The following KCNH7 variants were observed in gnomAD, a reference collection of about 807,000 sequenced individuals.
KCNH7 encodes the protein voltage-gated inwardly rectifying potassium channel KCNH7.
In KCNH7, 49 loss-of-function variants were observed where a neutral mutation model predicts 120.8. The ratio of observed to expected loss-of-function variants is 0.41; its 90% CI spans 0.32 to 0.51. KCNH7 has a LOEUF of 0.51. Ranked by LOEUF, KCNH7 falls within the 20% of genes least tolerant of loss-of-function variation. The pLI is 0.38. For missense variants in KCNH7, 1,097 were observed against 1,446.6 expected, an observed-to-expected ratio of 0.76 and a Z score of 3.92; for synonymous variants, 547 against 516.1, an observed-to-expected ratio of 1.06 and a Z score of -0.81.
At chr2:162,456,352 T>C (rs910535845) in intron 6 of KCNH7, among the ~76,000 whole-genome samples, 1 of 147,766 alleles carries the variant, frequency 6.8e-6, no homozygotes, top group Non-Finnish European at 1.5e-5. Context: ...TTATACATTA[T>C]ACAAATTATA....
chr2:162,752,924 A>AAAAGAAAAG (rs1688622518), intron 2 of KCNH7, among the ~76,000 whole-genome samples: 1 of 73,504 alleles, frequency 1.4e-5, no homozygotes, highest in South Asian at 4.4e-4. Flanking sequence ...AAAAGAAAAG[A>AAAAGAAAAG]AAAGAAAAGA....
intron 2 of KCNH7, among the ~76,000 whole-genome samples, chr2:162,822,914 C>T (rs1685163794): frequency 6.6e-6 from 1 of 152,158 alleles, no homozygotes; most frequent in Non-Finnish European, 1.5e-5. Flanking sequence ...TGTTTAATTG[C>T]ATTTAAGGAA....
chr2:162,673,870 CA>C (rs1171086515), intron 2 of KCNH7, among the ~76,000 whole-genome samples: 11 of 151,812 alleles, frequency 7.2e-5, no homozygotes, highest in African/African-American at 2.7e-4. Context: ...AGGAAATTAG[CA>C]AATTAGAAAA....
intron 2 of KCNH7, among the ~76,000 whole-genome samples, chr2:162,727,916 G>T (rs796942312): frequency 1.2e-4 from 19 of 152,048 alleles, no homozygotes; most frequent in African/African-American, 4.1e-4. Flanking sequence ...ATTTTTTTAG[G>T]ATAAGTTTAG....
chr2:162,605,061 T>A (rs1358679404), intron 2 of KCNH7, among the ~76,000 whole-genome samples: 1 of 152,126 alleles, frequency 6.6e-6, no homozygotes, highest in African/African-American at 2.4e-5. Context: ...AATGAGATTA[T>A]AAATTATTGA....
intron 2 of KCNH7, among the ~76,000 whole-genome samples, chr2:162,727,399 G>C (rs1687569677): frequency 6.6e-6 from 1 of 152,044 alleles, no homozygotes; most frequent in Admixed American, 6.5e-5. Flanking sequence ...ATTTGTTACA[G>C]TTTTGACATA....
At chr2:162,753,020 A>T (rs1052923601) in intron 2 of KCNH7, among the ~76,000 whole-genome samples, 1 of 147,538 alleles carries the variant, frequency 6.8e-6, no homozygotes, top group African/African-American at 2.5e-5. Context: ...AAAGAAAAGA[A>T]AAGAAAAGAA....
rs147827058 is a variant in KCNH7 at position 162,373,537 on chromosome 2, T to C, written c.3257A>G (p.Gln1086Arg). The part of the protein sequence containing the change: ...AGSEYQRPII[Q>R]LMRTSQPEAS... ...TTCCGGTTGACTGGTTCTCATCAGC[T>C]GGATGATGGGTCTCTGATATTCTGA... Residue 1086 changes from glutamine to arginine, a missense_variant, in exon 15 of 16, where the codon CAG (glutamine) becomes CGG (arginine). Physicochemically the swap from Gln to Arg is conservative, Grantham distance 43. Coordinates refer to ENST00000332142, the MANE Select transcript of KCNH7 (RefSeq NM_033272.4). 1.5e-4 allele frequency: 246 copies of C among 1,589,764 alleles called. No homozygotes were observed. Among genetic ancestry groups the C allele is most frequent in the Non-Finnish European group, 2.0e-4 (237 of 1,168,188 alleles).
intron 2 of KCNH7, among the ~76,000 whole-genome samples, chr2:162,582,494 T>C (rs1223191560): frequency 6.6e-6 from 1 of 152,060 alleles, no homozygotes; most frequent in African/African-American, 2.4e-5. Flanking sequence ...TCTGCCCTTT[T>C]AGTTGTAGGA....
In KCNH7 at chr2:162,435,338, C is replaced by T; in HGVS notation, c.1814G>A (p.Ser605Asn). Residue 605 changes from serine to asparagine, a missense_variant, in exon 8 of 16, where the codon AGT (serine) becomes AAT (asparagine). This residue lies in a region of KCNH7 where 36 missense variants were observed against 46.8 expected (regional missense o/e 0.77). Transcript: ENST00000332142. ...IGKRYNDSDS[S>N]SGPSIKDKYV... Reference sequence around the variant, plus strand: ...TTTGTCTTTAATGGATGGTCCAGAACTTGAGTCACTGTCATTGTAACGTTT... The same window carrying T: ...TTTGTCTTTAATGGATGGTCCAGAATTTGAGTCACTGTCATTGTAACGTTT... 1 of 1,613,866 alleles carries T rather than the reference C, an allele frequency of 6.2e-7. No homozygotes were observed. Among genetic ancestry groups the T allele is most frequent in the South Asian group, 1.1e-5 (1 of 91,078 alleles).
At chr2:162,592,982 A>G (rs1694259456) in intron 2 of KCNH7, among the ~76,000 whole-genome samples, 1 of 152,040 alleles carries the variant, frequency 6.6e-6, no homozygotes, top group Admixed American at 6.6e-5. Flanking sequence ...TATTTAAATC[A>G]TTTAGTTTAC....
At chr2:162,810,414 A>C (rs1042319881) in intron 2 of KCNH7, among the ~76,000 whole-genome samples, 1 of 152,190 alleles carries the variant, frequency 6.6e-6, no homozygotes, top group Non-Finnish European at 1.5e-5. Flanking sequence ...GTCAGCAGAA[A>C]TTCCGTCAGG....
rs368828871 is a variant in KCNH7 at position 162,402,872 on chromosome 2, A to T, written c.2155-2431T>A. 4.7e-4 allele frequency among the ~76,000 whole-genome samples: 72 copies of T among 151,980 alleles called. 2 individuals carry two copies. The South Asian group carries it at 0.013, about 28-fold the overall frequency. ...ACACATGCTTTGAGTTGGAAGAGAG[A>T]AAAGAGATAGAGATGAGATTCTCCA... is the stretch of plus-strand genomic sequence containing the variant. On this transcript the variant is annotated intron_variant, in intron 9 of 15. Coordinates refer to ENST00000332142, the MANE Select transcript of KCNH7 (RefSeq NM_033272.4).
chr2:162,390,883 TCA>T (rs1261998725), intron 12 of KCNH7, among the ~76,000 whole-genome samples: 1 of 152,076 alleles, frequency 6.6e-6, no homozygotes, highest in East Asian at 1.9e-4. Flanking sequence ...ATTTTGTTTT[TCA>T]GCTTTCCAGA....
At chr2:162,412,268 T>A (rs935805593) in intron 9 of KCNH7, among the ~76,000 whole-genome samples, 4 of 152,088 alleles carry the variant, frequency 2.6e-5, no homozygotes, top group Admixed American at 2.0e-4. Context: ...AAGGTAAAAC[T>A]TTTTAAGAAG....
At chr2:162,780,535 T>G (rs1471342860) in intron 2 of KCNH7, among the ~76,000 whole-genome samples, 1 of 152,162 alleles carries the variant, frequency 6.6e-6, no homozygotes, top group Non-Finnish European at 1.5e-5. Flanking sequence ...AAAATATTAT[T>G]AAAGATAACA....
chr2:162,573,234 G>C (rs1281871656), intron 2 of KCNH7, among the ~76,000 whole-genome samples: 2 of 151,996 alleles, frequency 1.3e-5, no homozygotes, highest in Admixed American at 1.3e-4. Context: ...GGGAAATTAT[G>C]ATAAGAGATG....
intron 2 of KCNH7, among the ~76,000 whole-genome samples, chr2:162,597,787 T>C (rs1694426980): frequency 6.6e-6 from 1 of 152,148 alleles, no homozygotes; most frequent in Admixed American, 6.6e-5. Flanking sequence ...ATACATGCAC[T>C]GGAACATTTC....
chr2:162,380,030 A>T lies in KCNH7; in HGVS notation c.2963-9T>A. ...TCGCATGTCAGTGATATCTGTGGAA[A>T]ATAGCAAGATGGATGTCAACACTCT... On this transcript the variant is annotated splice_polypyrimidine_tract_variant and intron_variant, in intron 13 of 15. Transcript: ENST00000332142. 6.2e-7 allele frequency: 1 copy of T among 1,613,754 alleles called. No individual in the cohort carries two copies. The highest frequency in any genetic ancestry group is 1.7e-5 in the Admixed American group (1 of 60,002).
Sources: allele counts gnomAD v4.1 joint callset (sites outside exome capture counted in the v4.1 genomes callset), GRCh38; gene constraint gnomAD v4.1.1; regional missense constraint gnomAD v4.1.1; transcripts MANE v1.5; gene names NCBI Gene and HGNC (gene_info 2026-07-23, HGNC 2026-07-21).